The following GLIS3 variants were observed in gnomAD, a reference collection of about 807,000 sequenced individuals.
GLIS3 encodes GLIS family zinc finger 3, also known as zinc finger protein GLIS3.
Under a neutral mutation model 78.6 loss-of-function variants are expected in GLIS3, and 53 were observed. The observed-to-expected ratio is 0.67, with a 90% confidence interval of 0.54 to 0.85. The LOEUF (loss-of-function observed/expected upper bound fraction) is 0.85, where lower values mean the gene tolerates loss of function less well. GLIS3 is among the 40% of genes least tolerant of loss of function. The probability of loss-of-function intolerance (pLI) is 0.00; values close to 1 mark genes in which losing one functional copy is unlikely to be tolerated. For missense variants in GLIS3, 1,703 were observed against 1,231.1 expected (o/e 1.38, Z -5.74); for synonymous variants, 684 against 509.9 (o/e 1.34, Z -4.60).
chr9:4,145,648 A>C (rs10116426), intron 2 of GLIS3, among the ~76,000 whole-genome samples: 61,086 of 151,864 alleles, frequency 0.4, 12,634 homozygotes, highest in South Asian at 0.46. Flanking sequence ...AAGTCACATC[A>C]GTGCCCTCTG....
intron 4 of GLIS3, among the ~76,000 whole-genome samples, chr9:4,046,058 G>A (rs567857747): frequency 1.3e-5 from 2 of 152,290 alleles, no homozygotes; most frequent in East Asian, 1.9e-4. Context: ...GGCCACATCA[G>A]CCTAAGCTCA....
At chr9:4,482,647 G>C in the GLIS3 span, among the ~76,000 whole-genome samples, 1 of 152,180 alleles carries the variant, frequency 6.6e-6, no homozygotes, top group Admixed American at 6.5e-5. Context: ...AGAAGCTGAT[G>C]TCTTACTTTT....
chr9:4,154,346 C>A (rs1834898972), intron 2 of GLIS3, among the ~76,000 whole-genome samples: 1 of 151,796 alleles, frequency 6.6e-6, no homozygotes, highest in South Asian at 2.1e-4. Flanking sequence ...AGACAATCAG[C>A]CATAATATGC....
the GLIS3 span, among the ~76,000 whole-genome samples, chr9:4,477,516 G>T: frequency 6.6e-6 from 1 of 152,098 alleles, no homozygotes; most frequent in African/African-American, 2.4e-5. Context: ...CCAGGCTCAA[G>T]TGATCCTCCC....
At chr9:4,108,477 G>A (rs933553527) in intron 4 of GLIS3, among the ~76,000 whole-genome samples, 1 of 152,126 alleles carries the variant, frequency 6.6e-6, no homozygotes, top group Non-Finnish European at 1.5e-5. Context: ...TCAGAATTTT[G>A]TTTAAGGCTG....
the GLIS3 span, among the ~76,000 whole-genome samples, chr9:4,414,439 C>T: frequency 6.6e-6 from 1 of 152,166 alleles, no homozygotes; most frequent in East Asian, 1.9e-4. Context: ...AGTTACTTAA[C>T]CTCCTTACAC....
intron 4 of GLIS3, among the ~76,000 whole-genome samples, chr9:4,012,415 T>C (rs1375694304): frequency 1.3e-5 from 2 of 152,182 alleles, no homozygotes; most frequent in Non-Finnish European, 2.9e-5. Context: ...ATGTCTTTTT[T>C]TACCTGTATC....
chr9:4,167,657 G>A (rs7874159), intron 2 of GLIS3, among the ~76,000 whole-genome samples: 56,770 of 152,078 alleles, frequency 0.37, 12,361 homozygotes, highest in East Asian at 0.67. Context: ...AGGTGTACAC[G>A]TTGGTAGCAC....
rs773197357 is a variant in GLIS3 at position 3,974,236 on chromosome 9, T to C, written c.1711-37047A>G. On this transcript the variant is annotated intron_variant, in intron 4 of 10. Coordinates refer to ENST00000381971, the MANE Select transcript of GLIS3 (RefSeq NM_001042413.2). ...CAAGAACTGAGTTTGAATAAATTAA[T>C]GAATGGTTTCTACTGCAATCAACAA... Among the ~76,000 whole-genome samples, 93 of 152,298 alleles carry C rather than the reference T, an allele frequency of 6.1e-4. 1 individual carries two copies. The highest frequency in any genetic ancestry group is 7.8e-4 in the Non-Finnish European group (53 of 68,010).
the GLIS3 span, among the ~76,000 whole-genome samples, chr9:4,417,618 C>A: frequency 1.4e-3 from 216 of 152,268 alleles, 1 homozygote; most frequent in African/African-American, 5.1e-3. Flanking sequence ...TGTGTAAATA[C>A]ATCTGTAGGG....
the GLIS3 span, among the ~76,000 whole-genome samples, chr9:4,362,381 C>A: frequency 6.6e-6 from 1 of 152,186 alleles, no homozygotes; most frequent in Non-Finnish European, 1.5e-5. Context: ...ATTGCTGTAT[C>A]ATTGATGTAG....
the GLIS3 span, among the ~76,000 whole-genome samples, chr9:4,445,339 C>T: frequency 1.4e-4 from 21 of 152,228 alleles, no homozygotes; most frequent in Admixed American, 7.2e-4. Context: ...GAAATAAATT[C>T]GTCCAGGCCA....
chr9:3,982,550 G>A (rs776720830), intron 4 of GLIS3, among the ~76,000 whole-genome samples: 1 of 152,132 alleles, frequency 6.6e-6, no homozygotes, highest in Non-Finnish European at 1.5e-5. Flanking sequence ...TTTTCTTGTT[G>A]ACAAAAGCTG....
At chr9:4,231,352 G>A (rs926440308) in intron 2 of GLIS3, among the ~76,000 whole-genome samples, 1 of 152,244 alleles carries the variant, frequency 6.6e-6, no homozygotes, top group East Asian at 1.9e-4. Flanking sequence ...AGGAAGCATG[G>A]GAGAGAAGAG....
chr9:4,179,807 G>C lies in GLIS3; in HGVS notation c.389-53866C>G, dbSNP rs147352000. The stretch of plus-strand genomic sequence containing the variant: ...TGCCTGTAATCCCAGCTACCCAGGA[G>C]GCTGAGGCAGGAGAATCGCTGGAAC... On this transcript the variant is annotated intron_variant, in intron 2 of 10. Transcript: ENST00000381971. 9.7e-3 allele frequency among the ~76,000 whole-genome samples: 1,477 copies of C among 152,132 alleles called. 30 individuals carry two copies. Among genetic ancestry groups the C allele is most frequent in the African/African-American group, 0.034 (1,410 of 41,496 alleles).
intron 2 of GLIS3, among the ~76,000 whole-genome samples, chr9:4,328,518 C>A (rs1817634583): frequency 6.6e-6 from 1 of 152,230 alleles, no homozygotes; most frequent in Non-Finnish European, 1.5e-5. Flanking sequence ...AATCCCCTGA[C>A]AGATCAGCCC....
intron 4 of GLIS3, among the ~76,000 whole-genome samples, chr9:4,089,712 G>A (rs1197006130): frequency 6.6e-6 from 1 of 152,018 alleles, no homozygotes; most frequent in Non-Finnish European, 1.5e-5. Context: ...TCAGCTACTT[G>A]GGAGGCTGAG....
At chr9:3,971,587 C>G (rs1443619679) in intron 4 of GLIS3, among the ~76,000 whole-genome samples, 1 of 152,184 alleles carries the variant, frequency 6.6e-6, no homozygotes, top group Non-Finnish European at 1.5e-5. Flanking sequence ...TCTGTTGGCA[C>G]ATGACTGCCA....
chr9:4,479,131 G>A, the GLIS3 span, among the ~76,000 whole-genome samples: 1 of 152,066 alleles, frequency 6.6e-6, no homozygotes, highest in African/African-American at 2.4e-5. Context: ...TCACCATTTT[G>A]TCTAGACTGG....
Sources: gnomAD v4.1 joint callset for allele counts (sites outside exome capture counted in the v4.1 genomes callset) on GRCh38, gnomAD v4.1.1 for gene constraint, MANE v1.5 for transcripts, NCBI Gene and HGNC (gene_info 2026-07-23, HGNC 2026-07-21) for gene names.